The following JMJD1C variants were observed in gnomAD, a reference collection of about 807,000 sequenced individuals.
JMJD1C encodes jumonji domain containing 1C.
In JMJD1C, 31 loss-of-function variants were observed where a neutral mutation model predicts 245.3. The observed-to-expected ratio is 0.13, with a 90% CI of 0.09 to 0.17. The LOEUF (loss-of-function observed/expected upper bound fraction) is 0.17. Ranked by LOEUF, JMJD1C falls within the 10% of genes least tolerant of loss-of-function variation. The pLI is 1.00. For synonymous variants in JMJD1C, 1,057 were observed against 1,017.4 expected, an observed-to-expected ratio of 1.04 and a Z score of -0.74; for missense variants, 2,691 against 3,000.2, an observed-to-expected ratio of 0.90 and a Z score of 2.41.
chr10:63,209,972 G>A (rs1052375976), intron 8 of JMJD1C, among the ~76,000 whole-genome samples: 2 of 152,056 alleles, frequency 1.3e-5, no homozygotes, highest in Non-Finnish European at 2.9e-5. Flanking sequence ...TTTGTTAATA[G>A]GATGATAGTC....
At chr10:63,488,753 TA>T (rs1435288795) in intron 1 of JMJD1C, among the ~76,000 whole-genome samples, 1 of 152,246 alleles carries the variant, frequency 6.6e-6, no homozygotes, top group Non-Finnish European at 1.5e-5. Context: ...TAGTATGGCA[TA>T]AAACAGCCTA....
Position 63,264,670 on chromosome 10 carries a change from C to T in JMJD1C, c.428G>A (p.Ser143Asn). The T allele has an allele frequency of 6.5e-7, 1 of 1,549,192 alleles. No individual in the cohort carries two copies. Among genetic ancestry groups the T allele is most frequent in the Non-Finnish European group, 8.8e-7 (1 of 1,133,038 alleles). ...DKQLDFLTED[S>N]AFQPYQDDID... ...TCTTACCTGGTAGGGCTGAAAGGCA[C>T]TATCTTCAGTTAAAAAATCCAGTTG... The change falls in exon 3 of 26, where the codon AGT becomes AAT. Residue 143 changes from serine (S) to asparagine (N), a missense_variant. This residue lies in a region of JMJD1C where 172 missense variants were observed against 240.8 expected (regional missense o/e 0.71). Coordinates refer to ENST00000399262, the MANE Select transcript of JMJD1C (RefSeq NM_032776.3).
intron 2 of JMJD1C, among the ~76,000 whole-genome samples, chr10:63,324,540 T>C (rs1049845345): frequency 6.6e-6 from 1 of 152,098 alleles, no homozygotes; most frequent in African/African-American, 2.4e-5. Context: ...CAAAGAAGCC[T>C]AGAGGAAAGA....
chr10:63,326,555 C>A (rs1163731727), intron 2 of JMJD1C, among the ~76,000 whole-genome samples: 2 of 151,682 alleles, frequency 1.3e-5, no homozygotes, highest in Non-Finnish European at 2.9e-5. Flanking sequence ...GAGAGGTGGA[C>A]AGACATTGGA....
intron 1 of JMJD1C, among the ~76,000 whole-genome samples, chr10:63,421,953 T>A (rs898305282): frequency 6.6e-6 from 1 of 152,222 alleles, no homozygotes; most frequent in Non-Finnish European, 1.5e-5. Context: ...AAGCTACCTG[T>A]CTATGATATT....
intron 2 of JMJD1C, among the ~76,000 whole-genome samples, chr10:63,297,640 T>G (rs1859603108): frequency 6.6e-6 from 1 of 152,180 alleles, no homozygotes; most frequent in Admixed American, 6.5e-5. Flanking sequence ...GGCCCAGACC[T>G]TGGGGTTCCC....
chr10:63,218,929 T>A (rs902239213), intron 4 of JMJD1C, among the ~76,000 whole-genome samples: 1 of 152,140 alleles, frequency 6.6e-6, no homozygotes, highest in Non-Finnish European at 1.5e-5. Context: ...AAACAATTAC[T>A]TTTTTCAGAA....
At chr10:63,365,285 A>C (rs900657849) in intron 2 of JMJD1C, among the ~76,000 whole-genome samples, 2 of 152,158 alleles carry the variant, frequency 1.3e-5, no homozygotes, top group Admixed American at 1.3e-4. Flanking sequence ...CCACTTGTAC[A>C]TCTGTCTCCT....
intron 2 of JMJD1C, among the ~76,000 whole-genome samples, chr10:63,306,431 T>C (rs1297253120): frequency 1.3e-5 from 2 of 152,140 alleles, no homozygotes; most frequent in Non-Finnish European, 2.9e-5. Flanking sequence ...TTTTGGATCC[T>C]ATGGTCTCAT....
intron 1 of JMJD1C, among the ~76,000 whole-genome samples, chr10:63,516,348 G>A (rs961069927): frequency 1.3e-5 from 2 of 151,748 alleles, no homozygotes; most frequent in Admixed American, 6.6e-5. Context: ...TTTATTCCAC[G>A]TGCTTTGAAT....
intron 24 of JMJD1C, among the ~76,000 whole-genome samples, chr10:63,171,194 CTGT>C: frequency 6.6e-6 from 1 of 151,862 alleles, no homozygotes; most frequent in East Asian, 1.9e-4. Context: ...AAAAAAACAA[CTGT>C]TGCTGTTTTT....
At chr10:63,254,247 AAG>A (rs1211846872) in intron 3 of JMJD1C, among the ~76,000 whole-genome samples, 4 of 152,238 alleles carry the variant, frequency 2.6e-5, no homozygotes, top group Non-Finnish European at 5.9e-5. Flanking sequence ...GCTGAAAAAA[AAG>A]AGACTAGAAA....
chr10:63,391,258 C>A (rs908272550), intron 1 of JMJD1C, among the ~76,000 whole-genome samples: 1 of 152,124 alleles, frequency 6.6e-6, no homozygotes, highest in Non-Finnish European at 1.5e-5. Context: ...TGCCTGTAAT[C>A]CCAGCACTTT....
chr10:63,308,719 A>G (rs1460002730), intron 2 of JMJD1C, among the ~76,000 whole-genome samples: 1 of 151,052 alleles, frequency 6.6e-6, no homozygotes, highest in Non-Finnish European at 1.5e-5. Flanking sequence ...AAGCCAAAAA[A>G]TAAAATTGAA....
At chr10:63,276,359 C>T (rs1028402660) in intron 2 of JMJD1C, among the ~76,000 whole-genome samples, 2 of 150,514 alleles carry the variant, frequency 1.3e-5, no homozygotes, top group South Asian at 2.1e-4. Flanking sequence ...CCAGCTACTC[C>T]GGAGGCTGAA....
At chr10:63,306,561 TAAAC>T (rs1197673713) in intron 2 of JMJD1C, among the ~76,000 whole-genome samples, 4 of 152,226 alleles carry the variant, frequency 2.6e-5, no homozygotes, top group Non-Finnish European at 5.9e-5. Flanking sequence ...TGACATCACT[TAAAC>T]AAATTTAATT....
At chr10:63,315,546 T>A (rs12243115) in intron 2 of JMJD1C, among the ~76,000 whole-genome samples, 21,474 of 152,040 alleles carry the variant, frequency 0.14, 3,469 homozygotes, top group African/African-American at 0.4. Flanking sequence ...ATACTTGCTG[T>A]AAGAAATTCT....
At chr10:63,383,660 A>G (rs1349263819) in intron 1 of JMJD1C, among the ~76,000 whole-genome samples, 1 of 152,196 alleles carries the variant, frequency 6.6e-6, no homozygotes, top group Non-Finnish European at 1.5e-5. Context: ...TGATCACACC[A>G]CTGCACTGCA....
intron 3 of JMJD1C, among the ~76,000 whole-genome samples, chr10:63,231,911 C>T (rs1850063404): frequency 1.3e-5 from 2 of 152,158 alleles, no homozygotes. Flanking sequence ...GATCACAGCT[C>T]ACTGCAGCCT....
Sources: allele counts gnomAD v4.1 joint callset (sites outside exome capture counted in the v4.1 genomes callset), GRCh38; gene constraint gnomAD v4.1.1; regional missense constraint gnomAD v4.1.1; transcripts MANE v1.5; gene names NCBI Gene and HGNC (gene_info 2026-07-23, HGNC 2026-07-21).